PAPOLA: variants seen among roughly 807,000 people sequenced by gnomAD.
The protein encoded by PAPOLA is polynucleotide adenylyltransferase alpha.
PAPOLA carries 15 observed loss-of-function variants against 100.6 expected under a neutral mutation model. That is an observed-to-expected ratio of 0.15 (90% CI 0.10 to 0.23). The LOEUF (loss-of-function observed/expected upper bound fraction) is 0.23, where lower values mean the gene tolerates loss of function less well. PAPOLA is among the 10% of genes least tolerant of loss of function. The probability of loss-of-function intolerance (pLI) is 1.00; values close to 1 mark genes in which losing one functional copy is unlikely to be tolerated. For missense variants in PAPOLA, 533 were observed against 884.2 expected, an observed-to-expected ratio of 0.60 and a Z score of 5.04; for synonymous variants, 293 against 300.0, an observed-to-expected ratio of 0.98 and a Z score of 0.24.
intron 13 of PAPOLA, chr14:96,542,523 A>G (rs1382237721): frequency 9.2e-6 from 5 of 542,696 alleles, no homozygotes; most frequent in Non-Finnish European, 1.6e-5. Flanking sequence ...TCTTAATTGT[A>G]TATTTAAAGT....
chr14:96,512,541 AGTT>A (rs1897174352), intron 1 of PAPOLA, among the ~76,000 whole-genome samples: 1 of 152,190 alleles, frequency 6.6e-6, no homozygotes, highest in African/African-American at 2.4e-5. Context: ...TAATAGTAAG[AGTT>A]GTTAGAAAAA....
At chr14:96,505,180 T>G (rs532326513) in intron 1 of PAPOLA, among the ~76,000 whole-genome samples, 1 of 152,324 alleles carries the variant, frequency 6.6e-6, no homozygotes, top group African/African-American at 2.4e-5. Context: ...TATGCCAGAT[T>G]CATTCCTTGC....
intron 1 of PAPOLA, among the ~76,000 whole-genome samples, chr14:96,507,279 A>AGT (rs1896781965): frequency 1.9e-5 from 2 of 104,668 alleles, no homozygotes; most frequent in African/African-American, 7.4e-5. Flanking sequence ...TTTGGAAAAT[A>AGT]GTTTTTTTTT....
chr14:96,528,605 A>G (rs1434611816), intron 6 of PAPOLA, among the ~76,000 whole-genome samples: 1 of 152,258 alleles, frequency 6.6e-6, no homozygotes, highest in Non-Finnish European at 1.5e-5. Context: ...ACTGTAAGAG[A>G]AATAATTTAT....
Position 96,502,402 on chromosome 14 carries a change from C to A in PAPOLA, c.-191C>A. The A allele has an allele frequency of 1.4e-6, 1 of 697,558 alleles. No individual in the cohort carries two copies. The highest frequency in any genetic ancestry group is 2.6e-6 in the Non-Finnish European group (1 of 382,768). The allele number at this position is 697,558 out of a possible 1,614,324, so 43.2% of individuals were successfully genotyped here. Reference sequence around the variant, plus strand: ...GTTCTAGAACGTTGCTGTGGTAGCGCTCGGGCGCCATGTTAGGACGAAGGG... The same window carrying A: ...GTTCTAGAACGTTGCTGTGGTAGCGATCGGGCGCCATGTTAGGACGAAGGG... On this transcript the variant is annotated 5_prime_UTR_variant, in exon 1 of 22. Coordinates refer to ENST00000216277, the MANE Select transcript of PAPOLA (RefSeq NM_032632.5).
In PAPOLA at chr14:96,552,836, T is replaced by A. The variant is rs534848164; in HGVS notation, c.1664+214T>A. 4.2e-5 allele frequency: 22 copies of A among 523,764 alleles called. No homozygotes were observed. In the East Asian group the frequency reaches 7.1e-4, roughly 17 times the overall value. 32.4% of individuals were successfully genotyped at this position (523,764 alleles called of 1,614,324 possible). Reference sequence around the variant, plus strand: ...CATTTTATTTTTGAGACTGATAATGTCTTCAGTCAGATGTGAATGAATGTT... The same window carrying A: ...CATTTTATTTTTGAGACTGATAATGACTTCAGTCAGATGTGAATGAATGTT... On this transcript the variant is annotated intron_variant, in intron 17 of 21. Transcript: ENST00000216277.
intron 20 of PAPOLA, 100 bp downstream of exon 20, chr14:96,560,811 G>T (rs1901780714): frequency 2.6e-6 from 2 of 782,992 alleles, no homozygotes; most frequent in South Asian, 3.3e-5. Flanking sequence ...ATAGGTTTTA[G>T]ATTTTTTTAG....
At position 96,536,248 on chromosome 14, in the gene PAPOLA, C is replaced by T. The variant is rs1434035070; in HGVS notation, c.1030+249C>T. On this transcript the variant is annotated intron_variant, in intron 11 of 21. Coordinates refer to ENST00000216277, the MANE Select transcript of PAPOLA (RefSeq NM_032632.5). ...ACCAGTAAGCTGGTTTAGTTGCATA[C>T]TATTGCCTTGTAAAATTATAAATGA... 4.6e-5 allele frequency among the ~76,000 whole-genome samples: 7 copies of T among 152,066 alleles called. No individual in the cohort carries two copies. In the East Asian group the frequency reaches 5.8e-4, roughly 13 times the overall value.
At chr14:96,505,288 C>CA (rs1595489167) in intron 1 of PAPOLA, among the ~76,000 whole-genome samples, 1 of 152,124 alleles carries the variant, frequency 6.6e-6, no homozygotes, top group East Asian at 1.9e-4. Flanking sequence ...TAATGACAAT[C>CA]AAAAATGTCT....
At chr14:96,550,958 G>C (rs1405917134) in intron 16 of PAPOLA, among the ~76,000 whole-genome samples, 2 of 152,070 alleles carry the variant, frequency 1.3e-5, no homozygotes, top group African/African-American at 2.4e-5. Flanking sequence ...AGAAACTGAG[G>C]GGTTGAGAAC....
Position 96,542,627 on chromosome 14 carries a change from G to A in PAPOLA, c.1170-147G>A, listed in dbSNP as rs546174131. On this transcript the variant is annotated intron_variant, in intron 13 of 21. Transcript: ENST00000216277. ...AGTGTTTCTTGGCTCTTTTTTCCCC[G>A]TTGTTTGGCAATTTTGGGTAGAACA... is the stretch of plus-strand genomic sequence containing the variant. The A allele has an allele frequency of 1.1e-4, 75 of 702,272 alleles. 1 individual carries two copies. The South Asian group carries it at 1.2e-3, about 11-fold the overall frequency. 43.5% of individuals were successfully genotyped at this position (702,272 alleles called of 1,614,324 possible).
chr14:96,541,732 C>A (rs1360735350), intron 12 of PAPOLA, among the ~76,000 whole-genome samples: 3 of 151,724 alleles, frequency 2.0e-5, no homozygotes, highest in African/African-American at 4.8e-5. Flanking sequence ...AAAAAAATCA[C>A]AGGGCCTAAC....
chr14:96,533,542 ATTTC>A (rs1566850006), intron 9 of PAPOLA: 10 of 766,230 alleles, frequency 1.3e-5, no homozygotes, highest in Middle Eastern at 6.8e-4. Flanking sequence ...GAATGTCAGA[ATTTC>A]TTTTTTTTTT....
At chr14:96,544,543 G>A (rs1222547210) in intron 15 of PAPOLA, among the ~76,000 whole-genome samples, 2 of 152,114 alleles carry the variant, frequency 1.3e-5, no homozygotes, top group African/African-American at 4.8e-5. Flanking sequence ...ATACTTCAGT[G>A]AGCATTTCCT....
Position 96,552,405 on chromosome 14 carries a change from T to C in PAPOLA, c.1522-75T>C, listed in dbSNP as rs1250016467. On this transcript the variant is annotated intron_variant, in intron 16 of 21. Transcript: ENST00000216277. ...GCTTTTCAGTAAAAATCATATATGT[T>C]AAGTAAAAGGTTTCCATGTTTCAAC... 4 of 1,320,128 alleles carry C rather than the reference T, an allele frequency of 3.0e-6. No homozygotes were observed. The African/African-American group carries it at 5.8e-5, about 19-fold the overall frequency. The allele number at this position is 1,320,128 out of a possible 1,614,324, so 81.8% of individuals were successfully genotyped here. A position where few individuals can be genotyped will look rare whatever the true frequency, so the allele number is the denominator to read the frequency against.
At chr14:96,555,822 CAA>C (rs758138408) in intron 17 of PAPOLA, 23 bp from the exon 18 acceptor site, 2 of 1,226,934 alleles carry the variant, frequency 1.6e-6, no homozygotes, top group African/African-American at 3.1e-5. Flanking sequence ...AATTTTGAGA[CAA>C]TTTTTAATTT....
chr14:96,505,310 C>T (rs1896630561), intron 1 of PAPOLA, among the ~76,000 whole-genome samples: 1 of 152,098 alleles, frequency 6.6e-6, no homozygotes, highest in Non-Finnish European at 1.5e-5. Flanking sequence ...CAGATATTAC[C>T]AGATGTGCCC....
At chr14:96,561,837 T>C (rs1901870489) in intron 20 of PAPOLA, among the ~76,000 whole-genome samples, 1 of 152,086 alleles carries the variant, frequency 6.6e-6, no homozygotes, top group Non-Finnish European at 1.5e-5. Context: ...CGTTTTTTTT[T>C]TTTTTGGTAT....
Position 96,564,954 on chromosome 14 carries a change from GA to G in PAPOLA, c.2146del (p.Thr716HisfsTer24). 6.7e-7 allele frequency: 1 copy of G among 1,496,658 alleles called. No individual in the cohort carries two copies. Among genetic ancestry groups the G allele is most frequent in the Non-Finnish European group, 9.3e-7 (1 of 1,073,458 alleles). 92.7% of individuals were successfully genotyped at this position (1,496,658 alleles called of 1,614,324 possible). On this transcript the variant is annotated frameshift_variant and splice_region_variant, in exon 22 of 22. Transcript: ENST00000216277. LOFTEE classifies it high-confidence loss of function. ...QTAASLLASQKTSSTDLSDIP... is the reference protein window; with the variant it reads ...QTAASLLASQXTSSTDLSDIP... ...GTTGTGTTCTTTGCTTTCATTCTCAGAAAACATCCAGTACAGACCTTTCTGA... is the reference window on the plus strand; with the variant it reads ...GTTGTGTTCTTTGCTTTCATTCTCAGAAACATCCAGTACAGACCTTTCTGA...
Sources: allele counts gnomAD v4.1 joint callset (sites outside exome capture counted in the v4.1 genomes callset), GRCh38; gene constraint gnomAD v4.1.1; transcripts MANE v1.5; gene names NCBI Gene and HGNC (gene_info 2026-07-23, HGNC 2026-07-21).